The following HS6ST2 variants were observed in gnomAD, a reference collection of about 807,000 sequenced individuals.
HS6ST2 encodes heparan sulfate 6-O-sulfotransferase 2.
HS6ST2 carries 17 observed loss-of-function variants against 33.0 expected under a neutral mutation model. The observed-to-expected ratio is 0.52, with a 90% CI of 0.35 to 0.77. The LOEUF is 0.77. Ranked by LOEUF, HS6ST2 falls within the 30% of genes least tolerant of loss-of-function variation. HS6ST2 has a pLI of 0.01. For synonymous variants in HS6ST2, 248 were observed against 237.1 expected, an observed-to-expected ratio of 1.05 and a Z score of -0.42; for missense variants, 519 against 551.7, an observed-to-expected ratio of 0.94 and a Z score of 0.59.
At chrX:132,686,089 C>A (rs926199024) in intron 3 of HS6ST2, among the ~76,000 whole-genome samples, 3 of 112,012 alleles carry the variant, frequency 2.7e-5, no homozygotes, top group Non-Finnish European at 5.6e-5. Flanking sequence ...ATGTTCCCTG[C>A]CACCAACTTT....
intron 3 of HS6ST2, among the ~76,000 whole-genome samples, chrX:132,707,064 T>C (rs1446494190): frequency 8.9e-6 from 1 of 112,466 alleles, no homozygotes; most frequent in Non-Finnish European, 1.9e-5. Flanking sequence ...TTTAAAGAGA[T>C]GGTCCTATCA....
At chrX:132,874,540 C>T (rs1019008016) in intron 2 of HS6ST2, among the ~76,000 whole-genome samples, 1 of 111,660 alleles carries the variant, frequency 9.0e-6, no homozygotes, top group Non-Finnish European at 1.9e-5. Context: ...CATGCCACTG[C>T]ACTCCAGCCT....
intron 2 of HS6ST2, among the ~76,000 whole-genome samples, chrX:132,941,734 C>T (rs768129381): frequency 2.2e-4 from 24 of 111,544 alleles, no homozygotes; most frequent in African/African-American, 7.1e-4. Flanking sequence ...AATGTACACC[C>T]ATATGGCGAT....
intron 2 of HS6ST2, among the ~76,000 whole-genome samples, chrX:132,778,371 A>T (rs184266439): frequency 9.0e-6 from 1 of 111,214 alleles, no homozygotes; most frequent in East Asian, 2.8e-4. Context: ...TTGAGCAAAA[A>T]ACGTTGTTTT....
At chrX:132,830,969 C>T (rs2065583735) in intron 2 of HS6ST2, among the ~76,000 whole-genome samples, 1 of 111,795 alleles carries the variant, frequency 8.9e-6, no homozygotes, top group Non-Finnish European at 1.9e-5. Flanking sequence ...ATGCAGAATA[C>T]AAAAGAAGGT....
At chrX:132,722,143 GC>G (rs1569483884) in intron 2 of HS6ST2, among the ~76,000 whole-genome samples, 1 of 96,474 alleles carries the variant, frequency 1.0e-5, no homozygotes, top group Non-Finnish European at 2.0e-5. Context: ...AGTGGAGATC[GC>G]GCCACTGCAC....
intron 2 of HS6ST2, among the ~76,000 whole-genome samples, chrX:132,772,908 T>C (rs1392820132): frequency 1.1e-5 from 1 of 89,117 alleles, no homozygotes; most frequent in Admixed American, 1.5e-4. Context: ...ATATAAAATA[T>C]AATATATTTT....
chrX:132,818,753 A>G (rs1285929763), intron 2 of HS6ST2, among the ~76,000 whole-genome samples: 1 of 112,266 alleles, frequency 8.9e-6, no homozygotes, highest in Non-Finnish European at 1.9e-5. Context: ...GCCAAGAGAA[A>G]TAGGTAGGTG....
At chrX:132,787,338 G>C (rs1280047601) in intron 2 of HS6ST2, among the ~76,000 whole-genome samples, 1 of 94,497 alleles carries the variant, frequency 1.1e-5, no homozygotes, top group Non-Finnish European at 2.1e-5. Context: ...TGTCGCCCAG[G>C]CTGGAGTGCA....
At chrX:132,741,526 C>G (rs2064579745) in intron 2 of HS6ST2, among the ~76,000 whole-genome samples, 3 of 110,796 alleles carry the variant, frequency 2.7e-5, no homozygotes, top group African/African-American at 9.8e-5. Flanking sequence ...AAGTGATCCG[C>G]CCACCTCAGT....
chrX:132,881,579 G>A (rs964425411), intron 2 of HS6ST2, among the ~76,000 whole-genome samples: 2 of 111,593 alleles, frequency 1.8e-5, no homozygotes, highest in Non-Finnish European at 1.9e-5. Context: ...TAGGTTGCCT[G>A]TTCACTCTGA....
intron 4 of HS6ST2, among the ~76,000 whole-genome samples, chrX:132,634,502 G>T (rs753890454): frequency 8.9e-6 from 1 of 112,029 alleles, no homozygotes; most frequent in South Asian, 3.8e-4. Context: ...ATGGCTGATT[G>T]GTGCTTCTGT....
intron 2 of HS6ST2, among the ~76,000 whole-genome samples, chrX:132,721,395 C>A (rs2064326418): frequency 8.9e-6 from 1 of 111,830 alleles, no homozygotes; most frequent in Admixed American, 9.5e-5. Context: ...AGTAGAAGCA[C>A]AACATCCCAA....
chrX:132,910,551 A>C (rs1305396018), intron 2 of HS6ST2, among the ~76,000 whole-genome samples: 1 of 111,815 alleles, frequency 8.9e-6, no homozygotes, highest in Admixed American at 9.5e-5. Context: ...TACTATGGAG[A>C]ATTTAGATTT....
chrX:132,733,350 C>T (rs140869406), intron 2 of HS6ST2, among the ~76,000 whole-genome samples: 1,335 of 109,403 alleles, frequency 0.012, 25 homozygotes, highest in African/African-American at 0.042. Context: ...GGCTATTAAA[C>T]AGGATATCTA....
At chrX:132,952,339 G>A (rs764855575) in intron 2 of HS6ST2, among the ~76,000 whole-genome samples, 78 of 95,705 alleles carry the variant, frequency 8.2e-4, no homozygotes, top group African/African-American at 3.2e-3. Flanking sequence ...GACAGCTGAA[G>A]AAATGTATCC....
chrX:132,657,814 A>G (rs1276412143), intron 4 of HS6ST2, among the ~76,000 whole-genome samples: 1 of 104,493 alleles, frequency 9.6e-6, no homozygotes, highest in Middle Eastern at 4.5e-3. Context: ...TTTTGCACCA[A>G]CCTAAGATTT....
chrX:132,794,881 C>T (rs1435669201), intron 2 of HS6ST2, among the ~76,000 whole-genome samples: 2 of 110,259 alleles, frequency 1.8e-5, no homozygotes, highest in African/African-American at 3.3e-5. Flanking sequence ...TGGCACCCAT[C>T]GCAAGGTCCT....
At chrX:132,811,685 A>AATTATATATAT (rs1556452318) in intron 2 of HS6ST2, among the ~76,000 whole-genome samples, 1 of 29,814 alleles carries the variant, frequency 3.4e-5, no homozygotes, top group Non-Finnish European at 5.4e-5. Flanking sequence ...AAGGCTGAAT[A>AATTATATATAT]ATATATATAT....
Sources: gnomAD v4.1 joint callset for allele counts (sites outside exome capture counted in the v4.1 genomes callset) on GRCh38, gnomAD v4.1.1 for gene constraint, MANE v1.5 for transcripts, NCBI Gene and HGNC (gene_info 2026-07-23, HGNC 2026-07-21) for gene names.